TPD52L1: variants seen among roughly 807,000 people sequenced by gnomAD.
The protein encoded by TPD52L1 is TPD52 like 1.
TPD52L1 carries 18 observed loss-of-function variants against 28.7 expected under a neutral mutation model. The observed-to-expected ratio is 0.63, with a 90% CI of 0.43 to 0.93. The LOEUF (loss-of-function observed/expected upper bound fraction) is 0.93. TPD52L1 is among the 40% of genes least tolerant of loss of function. TPD52L1 has a pLI of 0.00. For synonymous variants in TPD52L1, 75 were observed against 88.8 expected, an observed-to-expected ratio of 0.84 and a Z score of 0.88; for missense variants, 203 against 254.8, an observed-to-expected ratio of 0.80 and a Z score of 1.39.
chr6:125,176,469 T>C (rs539264132), intron 1 of TPD52L1, among the ~76,000 whole-genome samples: 12 of 152,190 alleles, frequency 7.9e-5, no homozygotes, highest in Admixed American at 7.9e-4. Flanking sequence ...TTTTTAGCTT[T>C]GTTGAGAATT....
At chr6:125,172,561 AC>A (rs1184313852) in intron 1 of TPD52L1, among the ~76,000 whole-genome samples, 3,900 of 90,430 alleles carry the variant, frequency 0.043, 242 homozygotes, top group Non-Finnish European at 0.049. Flanking sequence ...TAATATATAT[AC>A]TATATGGCAT....
At chr6:125,158,838 C>T (rs772565375) in intron 1 of TPD52L1, among the ~76,000 whole-genome samples, 4 of 152,268 alleles carry the variant, frequency 2.6e-5, no homozygotes, top group East Asian at 3.9e-4. Flanking sequence ...GAGTCACACA[C>T]GTTTTTTGGT....
intron 1 of TPD52L1, among the ~76,000 whole-genome samples, chr6:125,176,391 G>T (rs1252817044): frequency 6.6e-6 from 1 of 152,200 alleles, no homozygotes; most frequent in East Asian, 1.9e-4. Flanking sequence ...TAGCCTGCTA[G>T]GGTTTGAAAT....
At chr6:125,197,705 G>A (rs1793532211) in intron 1 of TPD52L1, among the ~76,000 whole-genome samples, 1 of 152,118 alleles carries the variant, frequency 6.6e-6, no homozygotes, top group Admixed American at 6.5e-5. Flanking sequence ...TAAAATAACA[G>A]CCCACTAAGC....
In TPD52L1 at chr6:125,220,062, T is replaced by C. The variant is rs1477597775; in HGVS notation, c.20-16T>C. The C allele has an allele frequency of 1.3e-6, 2 of 1,593,264 alleles. No individual in the cohort carries two copies. Among genetic ancestry groups the C allele is most frequent in the Non-Finnish European group, 1.7e-6 (2 of 1,161,296 alleles). ...ACTTTAAAAATTGCCTTCTGTTTTA[T>C]CAATTCTGCCTAAAGGTTTGTTGGA... On this transcript the variant is annotated splice_polypyrimidine_tract_variant and intron_variant, in intron 1 of 6. Transcript: ENST00000534000.
rs559495141 is a variant in TPD52L1 at position 125,198,584 on chromosome 6, TTCTG to T, written c.20-21490_20-21487del. On this transcript the variant is annotated intron_variant, in intron 1 of 6. Coordinates refer to ENST00000534000, the MANE Select transcript of TPD52L1 (RefSeq NM_003287.4). ...AGCAGGGAAACCCAGCTCAACCACTTTCTGTCTATGAACGTCAATTTTCCTCTTT... is the reference window on the plus strand; with the variant it reads ...AGCAGGGAAACCCAGCTCAACCACTTTCTATGAACGTCAATTTTCCTCTTT... 1.2e-3 allele frequency among the ~76,000 whole-genome samples: 179 copies of T among 152,284 alleles called. 1 individual carries two copies. Among genetic ancestry groups the T allele is most frequent in the African/African-American group, 4.0e-3 (168 of 41,570 alleles).
At chr6:125,213,103 A>C (rs1794626792) in intron 1 of TPD52L1, among the ~76,000 whole-genome samples, 1 of 152,148 alleles carries the variant, frequency 6.6e-6, no homozygotes, top group African/African-American at 2.4e-5. Context: ...ACAGCTTGGT[A>C]TGTATATGTG....
In TPD52L1 at chr6:125,235,101, C is replaced by CAATAATAATAATAATAATAAT. The variant is rs147249181; in HGVS notation, c.284+5847_284+5867dup. ...CAAGTGATACCCTGTCTACAAATAA[C>CAATAATAATAATAATAATAAT]AATAATAATAATAATAATAATAATA... On this transcript the variant is annotated intron_variant, in intron 3 of 6. Transcript: ENST00000534000. Among the ~76,000 whole-genome samples the CAATAATAATAATAATAATAAT allele has an allele frequency of 3.4e-3, 488 of 142,542 alleles. 1 individual carries two copies. The highest frequency in any genetic ancestry group is 5.1e-3 in the Non-Finnish European group (335 of 65,998). The allele number at this position is 142,542 out of a possible 152,430, so 93.5% of individuals were successfully genotyped here. A position where few individuals can be genotyped will look rare whatever the true frequency, so the allele number is the denominator to read the frequency against.
chr6:125,235,133 A>AT (rs71024715), intron 3 of TPD52L1, among the ~76,000 whole-genome samples: 2 of 150,246 alleles, frequency 1.3e-5, no homozygotes, highest in South Asian at 2.1e-4. Flanking sequence ...AATAATAATA[A>AT]AACACCAACT....
At chr6:125,190,064 C>A (rs528984006) in intron 1 of TPD52L1, among the ~76,000 whole-genome samples, 1 of 151,984 alleles carries the variant, frequency 6.6e-6, no homozygotes, top group Admixed American at 6.6e-5. Context: ...ATAGATATAG[C>A]TATCTGCTTC....
chr6:125,231,606 G>A (rs1173440649), intron 3 of TPD52L1, among the ~76,000 whole-genome samples: 1 of 98,890 alleles, frequency 1.0e-5, no homozygotes, highest in African/African-American at 7.1e-5. Flanking sequence ...CAGAGTTTGA[G>A]TTTTTGTTGT....
intron 6 of TPD52L1, chr6:125,260,228 T>C (rs2070272072): frequency 6.6e-6 from 1 of 152,166 alleles, no homozygotes; most frequent in African/African-American, 2.4e-5. Flanking sequence ...ATCTTATTTG[T>C]TTCTCTCAGG....
chr6:125,248,157 T>G, intron 3 of TPD52L1, 125 bp from the exon 4 acceptor site: 1 of 762,310 alleles, frequency 1.3e-6, no homozygotes, highest in Non-Finnish European at 2.1e-6. Context: ...GAAACAGTGG[T>G]TTTGTGGATC....
intron 2 of TPD52L1, 118 bp downstream of exon 2, chr6:125,220,311 A>C (rs1380233417): frequency 1.1e-5 from 7 of 666,098 alleles, no homozygotes; most frequent in Non-Finnish European, 1.8e-5. Context: ...TCATTTAATA[A>C]AATTTATAAA....
At chr6:125,230,363 A>G (rs1283696012) in intron 3 of TPD52L1, among the ~76,000 whole-genome samples, 4 of 152,138 alleles carry the variant, frequency 2.6e-5, no homozygotes, top group East Asian at 1.9e-4. Context: ...GAAATCACAG[A>G]GGCTTTATCC....
At chr6:125,188,618 T>G (rs1345374524) in intron 1 of TPD52L1, among the ~76,000 whole-genome samples, 2 of 152,226 alleles carry the variant, frequency 1.3e-5, no homozygotes, top group Non-Finnish European at 2.9e-5. Context: ...GTTCTTATTA[T>G]ATGCATTCCA....
intron 1 of TPD52L1, among the ~76,000 whole-genome samples, chr6:125,166,326 T>G (rs544947320): frequency 6.6e-6 from 1 of 152,300 alleles, no homozygotes; most frequent in South Asian, 2.1e-4. Context: ...TTTTCCAAAA[T>G]GGACTCATTT....
chr6:125,244,827 T>C (rs1004871224), intron 3 of TPD52L1, among the ~76,000 whole-genome samples: 1 of 152,144 alleles, frequency 6.6e-6, no homozygotes, highest in African/African-American at 2.4e-5. Flanking sequence ...AGCACTGCAA[T>C]TGTGTCTCTG....
At chr6:125,220,049 G>A in intron 1 of TPD52L1, 29 bp from the exon 2 acceptor site, 1 of 1,513,974 alleles carries the variant, frequency 6.6e-7, no homozygotes, top group Non-Finnish European at 9.2e-7. Flanking sequence ...TTTAAAAATT[G>A]CCTTCTGTTT....
Sources: allele counts gnomAD v4.1 joint callset (sites outside exome capture counted in the v4.1 genomes callset), GRCh38; gene constraint gnomAD v4.1.1; transcripts MANE v1.5; gene names NCBI Gene and HGNC (gene_info 2026-07-23, HGNC 2026-07-21).